MTRR: variants seen among roughly 807,000 people sequenced by gnomAD.
MTRR encodes the protein methionine synthase reductase.
MTRR carries 63 observed loss-of-function variants against 79.2 expected under a neutral mutation model. The observed-to-expected ratio is 0.80, with a 90% CI of 0.65 to 0.98. The LOEUF is 0.98. Ranked by LOEUF, MTRR falls within the 50% of genes least tolerant of loss-of-function variation. The pLI, the probability that MTRR is intolerant of heterozygous loss-of-function variation, is 0.00. For missense variants in MTRR, 895 were observed against 839.6 expected, an observed-to-expected ratio of 1.07 and a Z score of -0.82; for synonymous variants, 355 against 313.3, an observed-to-expected ratio of 1.13 and a Z score of -1.41.
intron 4 of MTRR, among the ~76,000 whole-genome samples, chr5:7,876,768 C>G (rs1423310831): frequency 6.6e-6 from 1 of 152,168 alleles, no homozygotes; most frequent in Non-Finnish European, 1.5e-5. Context: ...TAACAGTAAT[C>G]TATTTACTGT....
chr5:7,897,147 G>A lies in MTRR; in HGVS notation c.1852G>A (p.Glu618Lys), dbSNP rs1241964702. The A allele has an allele frequency of 6.2e-7, 1 of 1,614,140 alleles. No individual in the cohort carries two copies. The highest frequency in any genetic ancestry group is 1.7e-5 in the Admixed American group (1 of 60,026). The change falls in exon 14 of 15, where the codon GAG (glutamate) becomes AAG (lysine). Residue 618 changes from glutamate (E) to lysine (K), a missense_variant. Transcript: ENST00000440940. ...CTCAAGAGATGCTCCTGTTGGGGAG[G>A]AGGAAGCCCCAGCAAAGTATGTGCA... is the stretch of plus-strand genomic sequence containing the variant. Reference protein sequence around the residue: ...SFSRDAPVGEEEAPAKYVQDN... With the variant: ...SFSRDAPVGEKEAPAKYVQDN...
chr5:7,868,200 G>GAAAAAAAAAAAAAAAAAAAAAAA (rs34274545), upstream of MTRR: 1 of 204,566 alleles, frequency 4.9e-6, no homozygotes, highest in Admixed American at 6.6e-5. Flanking sequence ...CGAGTATCTG[G>GAAAAAAAAAAAAAAAAAAAAAAA]AAAAAAAAAA....
At chr5:7,854,161 T>C (rs2126574056) in intron 1 of MTRR, among the ~76,000 whole-genome samples, 1 of 152,184 alleles carries the variant, frequency 6.6e-6, no homozygotes, top group Admixed American at 6.5e-5. Context: ...AGGCTCCTCA[T>C]GTCTGTACTC....
chr5:7,884,996 G>A (rs1050530847), intron 6 of MTRR: 4 of 152,238 alleles, frequency 2.6e-5, no homozygotes, highest in African/African-American at 9.7e-5. Flanking sequence ...GCAAGGGTTG[G>A]TCTGTGCTTA....
intron 5 of MTRR, among the ~76,000 whole-genome samples, chr5:7,881,376 G>A (rs1002900952): frequency 1.3e-5 from 2 of 152,058 alleles, no homozygotes; most frequent in Non-Finnish European, 2.9e-5. Context: ...GGGATGGGGT[G>A]TGGTAGTGGG....
chr5:7,861,858 G>T, intron 1 of MTRR: 1 of 1,136,036 alleles, frequency 8.8e-7, no homozygotes, highest in Non-Finnish European at 1.1e-6. Context: ...CTTAAATTAA[G>T]AAAGCTCAAT....
At chr5:7,898,350 A>G (rs1738883095) in intron 14 of MTRR, among the ~76,000 whole-genome samples, 1 of 152,222 alleles carries the variant, frequency 6.6e-6, no homozygotes, top group Non-Finnish European at 1.5e-5. Flanking sequence ...ATATCTGGTC[A>G]TTGAGAACTT....
Position 7,884,602 on chromosome 5 carries a change from T to C in MTRR, c.904-1099T>C, listed in dbSNP as rs548172567. Among the ~76,000 whole-genome samples the C allele has an allele frequency of 3.7e-4, 57 of 152,314 alleles. 1 individual carries two copies. The highest frequency in any genetic ancestry group is 1.4e-3 in the African/African-American group (57 of 41,548). The stretch of plus-strand genomic sequence containing the variant: ...CTGAGGATATGGAGGGCCAACTGTA[T>C]ATAGAAACATTTACGTACAGTTTTA... On this transcript the variant is annotated intron_variant, in intron 6 of 14. Coordinates refer to ENST00000440940, the MANE Select transcript of MTRR (RefSeq NM_002454.3).
chr5:7,858,448 A>G (rs1446417507), intron 1 of MTRR, among the ~76,000 whole-genome samples: 3 of 152,144 alleles, frequency 2.0e-5, no homozygotes, highest in African/African-American at 7.2e-5. Context: ...CTCCTGCTCA[A>G]TCTCAATTTG....
upstream of MTRR, among the ~76,000 whole-genome samples, chr5:7,864,646 T>G (rs1239102594): frequency 6.6e-6 from 1 of 152,190 alleles, no homozygotes; most frequent in Non-Finnish European, 1.5e-5. Context: ...ATGCTAAACT[T>G]CATTAATGCT....
chr5:7,869,333 C>A, intron 1 of MTRR, 118 bp downstream of exon 1: 1 of 1,236,558 alleles, frequency 8.1e-7, no homozygotes, highest in Non-Finnish European at 1.1e-6. Context: ...GTTCCCACGC[C>A]CTTCGGCCTC....
intron 3 of MTRR, chr5:7,875,057 C>T: frequency 1.7e-6 from 1 of 576,876 alleles, no homozygotes; most frequent in Non-Finnish European, 3.1e-6. Context: ...TTCATTATAT[C>T]TGCTACTTTT....
upstream of MTRR, among the ~76,000 whole-genome samples, chr5:7,868,732 G>A (rs1363467245): frequency 6.6e-6 from 1 of 152,212 alleles, no homozygotes; most frequent in Non-Finnish European, 1.5e-5. Context: ...AGGTGGGGCG[G>A]CCAGTCCAGA....
At chr5:7,861,234 C>CT (rs759083482) in intron 1 of MTRR, 41 of 1,610,742 alleles carry the variant, frequency 2.5e-5, no homozygotes, top group Middle Eastern at 1.7e-4. Flanking sequence ...GGAGCAAAAC[C>CT]TTTTTGGACC....
intron 1 of MTRR, among the ~76,000 whole-genome samples, chr5:7,859,743 T>C (rs1746396109): frequency 6.6e-6 from 1 of 152,204 alleles, no homozygotes; most frequent in Admixed American, 6.5e-5. Flanking sequence ...TGGTAAATAT[T>C]TGATGAATTA....
At chr5:7,884,195 C>T (rs561515729) in intron 6 of MTRR, among the ~76,000 whole-genome samples, 17 of 152,028 alleles carry the variant, frequency 1.1e-4, no homozygotes, top group Non-Finnish European at 1.6e-4. Context: ...GAAATAGAAC[C>T]CAGACAGGCA....
chr5:7,854,880 G>A (rs1561081010), intron 1 of MTRR, among the ~76,000 whole-genome samples: 1 of 152,184 alleles, frequency 6.6e-6, no homozygotes, highest in Non-Finnish European at 1.5e-5. Context: ...GGTAGGCTGG[G>A]AGGCTAAGCC....
intron 4 of MTRR, among the ~76,000 whole-genome samples, chr5:7,877,176 T>G (rs1165005995): frequency 6.6e-6 from 1 of 152,180 alleles, no homozygotes; most frequent in Non-Finnish European, 1.5e-5. Context: ...AAAAGTGGTG[T>G]TATTTCCACA....
At chr5:7,868,774 C>T (rs149268161), upstream of MTRR, among the ~76,000 whole-genome samples, 27 of 152,208 alleles carry the variant, frequency 1.8e-4, no homozygotes, top group Non-Finnish European at 3.5e-4. Context: ...TTTGGCAACA[C>T]GTGTGTGCAA....
Sources: allele counts gnomAD v4.1 joint callset (sites outside exome capture counted in the v4.1 genomes callset), GRCh38; gene constraint gnomAD v4.1.1; transcripts MANE v1.5; gene names NCBI Gene and HGNC (gene_info 2026-07-23, HGNC 2026-07-21).